RAPGEF6: variants seen among roughly 807,000 people sequenced by gnomAD.
The protein encoded by RAPGEF6 is PDZ domain containing guanine nucleotide exchange factor (GEF) 2.
RAPGEF6 carries 56 observed loss-of-function variants against 171.4 expected under a neutral mutation model. That is an observed-to-expected ratio of 0.33 (90% CI 0.26 to 0.41). The LOEUF is 0.41. RAPGEF6 is among the 10% of genes least tolerant of loss of function. The pLI is 1.00. For synonymous variants in RAPGEF6, 692 were observed against 650.1 expected (o/e 1.06, Z -0.98); for missense variants, 1,674 against 1,921.4 (o/e 0.87, Z 2.41).
chr5:131,459,758 A>G (rs902887618), intron 19 of RAPGEF6, among the ~76,000 whole-genome samples: 5 of 152,190 alleles, frequency 3.3e-5, no homozygotes, highest in East Asian at 1.9e-4. Flanking sequence ...TTTTAAATAT[A>G]TATTTATATG....
At chr5:131,595,195 C>G (rs1227614755) in intron 3 of RAPGEF6, among the ~76,000 whole-genome samples, 1 of 152,128 alleles carries the variant, frequency 6.6e-6, no homozygotes, top group African/African-American at 2.4e-5. Flanking sequence ...ATCATGGGGA[C>G]AGATTTTCCC....
chr5:131,534,108 C>T (rs1172847151), intron 6 of RAPGEF6, among the ~76,000 whole-genome samples: 1 of 151,976 alleles, frequency 6.6e-6, no homozygotes, highest in African/African-American at 2.4e-5. Flanking sequence ...CTGAACAAAT[C>T]AAAGCAATAT....
Position 131,562,104 on chromosome 5 carries a change from A to G in RAPGEF6, c.282-57T>C, listed in dbSNP as rs1198112585. 7 of 1,172,676 alleles carry G rather than the reference A, an allele frequency of 6.0e-6. No homozygotes were observed. The East Asian group carries it at 1.9e-4, about 31-fold the overall frequency. 72.6% of individuals were successfully genotyped at this position (1,172,676 alleles called of 1,614,324 possible). On this transcript the variant is annotated intron_variant, in intron 4 of 27. Coordinates refer to ENST00000509018, the MANE Select transcript of RAPGEF6 (RefSeq NM_016340.6). ...AAGGTTATTAATAAAATATATCAAT[A>G]TAGGAAAAGAAAACAAACAAACAAC...
chr5:131,525,428 T>C (rs1204505611), intron 6 of RAPGEF6, among the ~76,000 whole-genome samples: 1 of 152,060 alleles, frequency 6.6e-6, no homozygotes, highest in East Asian at 1.9e-4. Flanking sequence ...CATAAATCCA[T>C]GAAGTCACAT....
At chr5:131,599,032 C>T (rs113401092) in intron 3 of RAPGEF6, among the ~76,000 whole-genome samples, 233 of 152,244 alleles carry the variant, frequency 1.5e-3, no homozygotes, top group African/African-American at 5.3e-3. Context: ...CAGCTTAGGC[C>T]GAGCGTGGGG....
chr5:131,628,743 T>C (rs1766103891), intron 1 of RAPGEF6, among the ~76,000 whole-genome samples: 1 of 152,180 alleles, frequency 6.6e-6, no homozygotes, highest in Non-Finnish European at 1.5e-5. Context: ...AAGCCAATGA[T>C]CATTTACCAT....
At chr5:131,590,430 C>T (rs532354260) in intron 4 of RAPGEF6, among the ~76,000 whole-genome samples, 8 of 152,264 alleles carry the variant, frequency 5.3e-5, no homozygotes, top group African/African-American at 1.9e-4. Context: ...AATCAAACTT[C>T]ACTTGTTCCA....
chr5:131,456,777 C>T (rs1322804216), intron 19 of RAPGEF6, among the ~76,000 whole-genome samples: 1 of 152,220 alleles, frequency 6.6e-6, no homozygotes, highest in Non-Finnish European at 1.5e-5. Context: ...TGATTTCTGA[C>T]TTTAAGGCAT....
chr5:131,473,279 T>C (rs1414333356), intron 16 of RAPGEF6, among the ~76,000 whole-genome samples: 2 of 151,990 alleles, frequency 1.3e-5, no homozygotes, highest in Non-Finnish European at 2.9e-5. Context: ...AGAAAAAAAA[T>C]AGAATTATGA....
chr5:131,631,520 C>T (rs1766304557), intron 1 of RAPGEF6, among the ~76,000 whole-genome samples: 2 of 152,212 alleles, frequency 1.3e-5, no homozygotes, highest in South Asian at 4.1e-4. Context: ...CTCACCACTT[C>T]CATTACTATC....
chr5:131,579,724 C>A (rs932182600), intron 4 of RAPGEF6, among the ~76,000 whole-genome samples: 52 of 152,152 alleles, frequency 3.4e-4, no homozygotes, highest in African/African-American at 1.2e-3. Flanking sequence ...TAGCTAGACA[C>A]AGAGCACTGA....
chr5:131,445,586 C>A (rs1375950712), intron 22 of RAPGEF6, among the ~76,000 whole-genome samples: 1 of 151,008 alleles, frequency 6.6e-6, no homozygotes, highest in Admixed American at 6.6e-5. Flanking sequence ...TGTGTGCGCG[C>A]GTATTTATTT....
At position 131,486,772 on chromosome 5, in the gene RAPGEF6, C is replaced by T. The variant is rs573401932; in HGVS notation, c.1840+2774G>A. Among the ~76,000 whole-genome samples the T allele has an allele frequency of 1.4e-4, 21 of 150,648 alleles. No homozygotes were observed. In the East Asian group the frequency reaches 3.5e-3, roughly 25 times the overall value. On this transcript the variant is annotated intron_variant, in intron 15 of 27. Transcript: ENST00000509018. Reference sequence around the variant, plus strand: ...TGAGATAGAGTCTCGCTCTGTCCCCCAGGCGGGAGTGCAGTGGCGCAATCT... The same window carrying T: ...TGAGATAGAGTCTCGCTCTGTCCCCTAGGCGGGAGTGCAGTGGCGCAATCT...
chr5:131,427,313 T>G lies in RAPGEF6; in HGVS notation c.4781-22A>C, dbSNP rs771488049. On this transcript the variant is annotated intron_variant, in intron 27 of 27. Transcript: ENST00000509018. The stretch of plus-strand genomic sequence containing the variant: ...TTTTCTGAAAATAAAAAATATATAA[T>G]TAACTGGCAGATCAGCATATTAATG... The G allele has an allele frequency of 1.9e-6, 3 of 1,578,278 alleles. No homozygotes were observed. In the African/African-American group the frequency reaches 4.1e-5, roughly 21 times the overall value.
intron 4 of RAPGEF6, among the ~76,000 whole-genome samples, chr5:131,584,723 G>A (rs774573453): frequency 2.0e-5 from 3 of 152,112 alleles, no homozygotes; most frequent in Non-Finnish European, 2.9e-5. Flanking sequence ...CAGACCTCCT[G>A]CTAACCAGTC....
chr5:131,465,161 A>G (rs946359443), intron 17 of RAPGEF6, among the ~76,000 whole-genome samples: 16 of 152,236 alleles, frequency 1.1e-4, no homozygotes, highest in African/African-American at 3.6e-4. Flanking sequence ...GTTAGTTTCC[A>G]TATTTTATTT....
At chr5:131,604,441 T>C (rs1363124265) in intron 2 of RAPGEF6, among the ~76,000 whole-genome samples, 182 bp downstream of exon 2, 2 of 152,192 alleles carry the variant, frequency 1.3e-5, no homozygotes, top group Non-Finnish European at 2.9e-5. Context: ...GTCAGTGTTT[T>C]TCCCCAACTC....
intron 4 of RAPGEF6, among the ~76,000 whole-genome samples, chr5:131,589,736 A>T (rs539357241): frequency 5.3e-5 from 8 of 152,332 alleles, no homozygotes; most frequent in African/African-American, 1.9e-4. Context: ...GTAACACTGC[A>T]GTAAGAAAGT....
In RAPGEF6 at chr5:131,603,289, C is replaced by T. The variant is rs1764361061; in HGVS notation, c.179G>A (p.Gly60Asp). 1.9e-6 allele frequency: 3 copies of T among 1,581,476 alleles called. No homozygotes were observed. The highest frequency in any genetic ancestry group is 2.6e-6 in the Non-Finnish European group (3 of 1,166,268). ...SARARYERYS[G>D]NQVLFCSETI... ...TACTTACCAAAAGAGAACCTGATTG[C>T]CACTGTATCTCTCATAGCGTGCTCT... Residue 60 changes from glycine (G) to aspartate (D), a missense_variant, in exon 3 of 28, where the codon GGC (glycine) becomes GAC (aspartate). By Grantham distance (94) the Gly-to-Asp change is moderately conservative. Transcript: ENST00000509018.
Sources: gnomAD v4.1 joint callset for allele counts (sites outside exome capture counted in the v4.1 genomes callset) on GRCh38, gnomAD v4.1.1 for gene constraint, MANE v1.5 for transcripts, NCBI Gene and HGNC (gene_info 2026-07-23, HGNC 2026-07-21) for gene names.